Variants in PIK3AP1 observed in about 807,000 individuals in gnomAD.
The protein encoded by PIK3AP1 is phosphoinositide-3-kinase adaptor protein 1.
In PIK3AP1, 21 loss-of-function variants were observed where a neutral mutation model predicts 88.1. The observed-to-expected ratio is 0.24, with a 90% CI of 0.17 to 0.34. The LOEUF (loss-of-function observed/expected upper bound fraction) is 0.34, where lower values mean the gene tolerates loss of function less well. Ranked by LOEUF, PIK3AP1 falls within the 10% of genes least tolerant of loss-of-function variation. The pLI, the probability that PIK3AP1 is intolerant of heterozygous loss-of-function variation, is 1.00. For missense variants in PIK3AP1, 828 were observed against 1,035.7 expected (o/e 0.80, Z 2.75); for synonymous variants, 398 against 400.0 (o/e 1.00, Z 0.06).
chr10:96,683,630 T>C (rs1006511006), intron 2 of PIK3AP1, among the ~76,000 whole-genome samples: 1 of 152,194 alleles, frequency 6.6e-6, no homozygotes, highest in Non-Finnish European at 1.5e-5. Context: ...ATCAAGTCAT[T>C]TTCCATAAGC....
At chr10:96,643,776 G>A (rs1203376092) in intron 8 of PIK3AP1, among the ~76,000 whole-genome samples, 1 of 152,162 alleles carries the variant, frequency 6.6e-6, no homozygotes, top group Non-Finnish European at 1.5e-5. Context: ...TTCATGGATG[G>A]GAAAGTCAGG....
At chr10:96,667,417 C>T (rs1476977246) in intron 2 of PIK3AP1, among the ~76,000 whole-genome samples, 2 of 152,182 alleles carry the variant, frequency 1.3e-5, no homozygotes, top group South Asian at 2.1e-4. Context: ...ATTTCTTGAG[C>T]GGTTACAATA....
At chr10:96,621,303 T>A (rs776002412) in intron 11 of PIK3AP1, 1 of 153,196 alleles carries the variant, frequency 6.5e-6, no homozygotes, top group Non-Finnish European at 1.5e-5. Context: ...CCCCTTGGAG[T>A]GCTTAATACC....
At chr10:96,627,008 GC>G in intron 9 of PIK3AP1, 103 bp from the exon 10 acceptor site, 1 of 1,097,996 alleles carries the variant, frequency 9.1e-7, no homozygotes, top group Non-Finnish European at 1.4e-6. Context: ...CCTCAGTGCT[GC>G]CCCCTGGCAA....
chr10:96,604,166 G>T, intron 14 of PIK3AP1, 117 bp from the exon 15 acceptor site: 1 of 858,606 alleles, frequency 1.2e-6, no homozygotes. Context: ...CTGTAAGTAT[G>T]GGGTTCTTCA....
chr10:96,685,695 C>A (rs534164701), intron 2 of PIK3AP1, among the ~76,000 whole-genome samples: 5 of 152,192 alleles, frequency 3.3e-5, no homozygotes, highest in African/African-American at 1.2e-4. Flanking sequence ...CTTAGGCTTG[C>A]GGCTTTGGCC....
chr10:96,660,405 C>T (rs1290227056), intron 2 of PIK3AP1, among the ~76,000 whole-genome samples: 1 of 152,098 alleles, frequency 6.6e-6, no homozygotes, highest in African/African-American at 2.4e-5. Context: ...CAGGGAAACG[C>T]AAATTAAAAC....
At chr10:96,600,741 T>A (rs1848874229) in intron 16 of PIK3AP1, among the ~76,000 whole-genome samples, 1 of 152,230 alleles carries the variant, frequency 6.6e-6, no homozygotes, top group Non-Finnish European at 1.5e-5. Flanking sequence ...ATCTAAAAGT[T>A]TCAAAATGCA....
chr10:96,710,618 A>T (rs577538197), intron 1 of PIK3AP1, among the ~76,000 whole-genome samples: 1 of 152,294 alleles, frequency 6.6e-6, no homozygotes, highest in Admixed American at 6.5e-5. Context: ...CAATAATAAC[A>T]ATAATAATAA....
rs184558035 is a variant in PIK3AP1 at position 96,606,008 on chromosome 10, G to A, written c.2171-1959C>T. Among the ~76,000 whole-genome samples, 40 of 152,264 alleles carry A rather than the reference G, an allele frequency of 2.6e-4. 1 individual carries two copies. In the East Asian group the frequency reaches 5.8e-3, roughly 22 times the overall value. Reference sequence around the variant, plus strand: ...CTGAGGCAGAGAACTGCTTGAACCCGGGAGGCAGAGATTGCAGTGAGCCGA... The same window carrying A: ...CTGAGGCAGAGAACTGCTTGAACCCAGGAGGCAGAGATTGCAGTGAGCCGA... On this transcript the variant is annotated intron_variant, in intron 14 of 16. Coordinates refer to ENST00000339364, the MANE Select transcript of PIK3AP1 (RefSeq NM_152309.3).
At position 96,668,628 on chromosome 10, in the gene PIK3AP1, G is replaced by A. The variant is rs149969610; in HGVS notation, c.431-11694C>T. ...AGAAACAGTCACTGGGGCCAGTCAGGGGAACCTGTGTGTCTCTGTGCTGGG... is the reference window on the plus strand; with the variant it reads ...AGAAACAGTCACTGGGGCCAGTCAGAGGAACCTGTGTGTCTCTGTGCTGGG... On this transcript the variant is annotated intron_variant, in intron 2 of 16. Coordinates refer to ENST00000339364, the MANE Select transcript of PIK3AP1 (RefSeq NM_152309.3). Among the ~76,000 whole-genome samples the A allele has an allele frequency of 2.9e-3, 439 of 152,276 alleles. 1 individual carries two copies. The highest frequency in any genetic ancestry group is 4.5e-3 in the Non-Finnish European group (303 of 68,024).
chr10:96,672,586 G>A (rs1589529693), intron 2 of PIK3AP1, among the ~76,000 whole-genome samples: 1 of 152,082 alleles, frequency 6.6e-6, no homozygotes, highest in African/African-American at 2.4e-5. Context: ...TAAAGCAAAG[G>A]CCTATAGCTT....
chr10:96,642,850 G>C (rs898265683), intron 8 of PIK3AP1, among the ~76,000 whole-genome samples: 1 of 152,214 alleles, frequency 6.6e-6, no homozygotes, highest in African/African-American at 2.4e-5. Flanking sequence ...AACATCCAGG[G>C]GGACAGCAAG....
At chr10:96,713,503 TAA>T (rs566830672) in intron 1 of PIK3AP1, among the ~76,000 whole-genome samples, 11 of 84,920 alleles carry the variant, frequency 1.3e-4, no homozygotes, top group Non-Finnish European at 1.7e-4. Flanking sequence ...GACTCCGTCT[TAA>T]AAAAAAAAAA....
chr10:96,650,484 C>T (rs994366666), intron 6 of PIK3AP1, among the ~76,000 whole-genome samples: 5 of 152,238 alleles, frequency 3.3e-5, no homozygotes, highest in African/African-American at 1.2e-4. Flanking sequence ...CATTAAACAA[C>T]TACTTGTTTA....
In PIK3AP1 at chr10:96,656,933, A is replaced by C; in HGVS notation, c.432T>G (p.Asp144Glu). Residue 144 changes from aspartate to glutamate, a missense_variant and splice_region_variant, in exon 3 of 17, where the codon GAT becomes GAG. By Grantham distance (45) the Asp-to-Glu change is conservative. This residue lies in a region of PIK3AP1 where 610 missense variants were observed against 760.1 expected (regional missense o/e 0.80). Coordinates refer to ENST00000339364, the MANE Select transcript of PIK3AP1 (RefSeq NM_152309.3). Reference protein sequence around the residue: ...VAAVKKAISEDSGCDSVTDTE... With the variant: ...VAAVKKAISEESGCDSVTDTE... ...TGTCAGTGACTGAGTCACAGCCAGA[A>C]TCTACAAAATAGAGGACACCGCTGA... 6.2e-7 allele frequency: 1 copy of C among 1,613,988 alleles called. No homozygotes were observed. Among genetic ancestry groups the C allele is most frequent in the Non-Finnish European group, 8.5e-7 (1 of 1,179,934 alleles).
chr10:96,608,406 C>CATT, intron 14 of PIK3AP1, among the ~76,000 whole-genome samples: 1 of 152,324 alleles, frequency 6.6e-6, no homozygotes, highest in Middle Eastern at 3.4e-3. Context: ...TGATCACCCC[C>CATT]ATTATGTAAG....
chr10:96,639,969 G>A (rs1320101672), intron 8 of PIK3AP1, among the ~76,000 whole-genome samples: 1 of 152,330 alleles, frequency 6.6e-6, no homozygotes, highest in African/African-American at 2.4e-5. Flanking sequence ...AACCCAGCTT[G>A]CAGAGAGGGG....
At chr10:96,612,976 A>AT (rs1849146615) in intron 13 of PIK3AP1, among the ~76,000 whole-genome samples, 3 of 59,658 alleles carry the variant, frequency 5.0e-5, no homozygotes, top group Non-Finnish European at 8.8e-5. Flanking sequence ...ATATATATAT[A>AT]TATATATTTT....
Sources: allele counts gnomAD v4.1 joint callset (sites outside exome capture counted in the v4.1 genomes callset), GRCh38; gene constraint gnomAD v4.1.1; regional missense constraint gnomAD v4.1.1; transcripts MANE v1.5; gene names NCBI Gene and HGNC (gene_info 2026-07-23, HGNC 2026-07-21).